RBFOX3: variants seen among roughly 807,000 people sequenced by gnomAD.
The protein encoded by RBFOX3 is RNA binding fox-1 homolog 3.
In RBFOX3, 17 loss-of-function variants were observed where a neutral mutation model predicts 48.7. The observed-to-expected ratio is 0.35, with a 90% confidence interval of 0.24 to 0.52. RBFOX3 has a LOEUF of 0.52. RBFOX3 is among the 20% of genes least tolerant of loss of function. RBFOX3 has a pLI of 0.94. For synonymous variants in RBFOX3, 212 were observed against 209.5 expected (o/e 1.01, Z -0.10); for missense variants, 382 against 497.5 (o/e 0.77, Z 2.21).
At chr17:79,457,534 C>A (rs1555745819) in intron 2 of RBFOX3, among the ~76,000 whole-genome samples, 2 of 152,210 alleles carry the variant, frequency 1.3e-5, no homozygotes, top group African/African-American at 4.8e-5. Flanking sequence ...TTCCTGAAGC[C>A]CAGGGCCAGC....
At chr17:79,502,967 C>T (rs1225384860) in intron 1 of RBFOX3, among the ~76,000 whole-genome samples, 1 of 152,212 alleles carries the variant, frequency 6.6e-6, no homozygotes, top group Non-Finnish European at 1.5e-5. Context: ...GACTGGGGAC[C>T]TTAAACAAGA....
chr17:79,538,266 T>C (rs1379025495), intron 1 of RBFOX3, among the ~76,000 whole-genome samples: 8 of 152,206 alleles, frequency 5.3e-5, no homozygotes, highest in Admixed American at 1.3e-4. Flanking sequence ...CATCTGTGTG[T>C]GCCTGGCACA....
intron 4 of RBFOX3, among the ~76,000 whole-genome samples, chr17:79,171,624 CT>C (rs1194804120): frequency 2.2e-5 from 3 of 136,210 alleles, no homozygotes; most frequent in Non-Finnish European, 3.1e-5. Flanking sequence ...CATTTAATTA[CT>C]TTTTTTTTAT....
At chr17:79,150,024 A>AGGGTGGGGGGTGGGGGTGGGGGTTGG (rs1360545741) in intron 4 of RBFOX3, among the ~76,000 whole-genome samples, 1 of 18,254 alleles carries the variant, frequency 5.5e-5, no homozygotes, top group Non-Finnish European at 9.7e-5. Context: ...ATGGGGGTTG[A>AGGGTGGGGGGTGGGGGTGGGGGTTGG]GGGTGGGGGG....
At chr17:79,365,320 C>T (rs367923633) in intron 2 of RBFOX3, among the ~76,000 whole-genome samples, 2 of 152,174 alleles carry the variant, frequency 1.3e-5, no homozygotes, top group East Asian at 1.9e-4. Context: ...AATAGCATCC[C>T]CTTTGATGTT....
At chr17:79,614,121 A>G (rs984828740), upstream of RBFOX3, among the ~76,000 whole-genome samples, 1 of 152,232 alleles carries the variant, frequency 6.6e-6, no homozygotes. Flanking sequence ...GCCCAGAGGC[A>G]GGGAAGGCTG....
chr17:79,527,378 A>G (rs2086941505), intron 1 of RBFOX3, among the ~76,000 whole-genome samples: 1 of 152,236 alleles, frequency 6.6e-6, no homozygotes. Flanking sequence ...CACTGCATAT[A>G]GAAGATCCAC....
intron 3 of RBFOX3, among the ~76,000 whole-genome samples, chr17:79,300,064 C>T (rs2075070216): frequency 6.6e-6 from 1 of 152,146 alleles, no homozygotes. Flanking sequence ...GCCAGCACAC[C>T]CCCTAACTTT....
chr17:79,520,470 A>T (rs1293870409), intron 1 of RBFOX3, among the ~76,000 whole-genome samples: 1 of 152,176 alleles, frequency 6.6e-6, no homozygotes, highest in African/African-American at 2.4e-5. Flanking sequence ...GTCAGGTGCC[A>T]GGAACACAGG....
At position 79,469,462 on chromosome 17, in the gene RBFOX3, C is replaced by T. The variant is rs1555755715; in HGVS notation, c.-175+12992G>A. ...CGTCAGGGCGCCTGGTCCTGCCTAACGCTCCAGCCTGGACAACTGCCCTGT... is the reference window on the plus strand; with the variant it reads ...CGTCAGGGCGCCTGGTCCTGCCTAATGCTCCAGCCTGGACAACTGCCCTGT... On this transcript the variant is annotated intron_variant, in intron 2 of 14. Coordinates refer to ENST00000693108, the MANE Select transcript of RBFOX3 (RefSeq NM_001350451.2). Among the ~76,000 whole-genome samples the T allele has an allele frequency of 1.1e-4, 17 of 152,318 alleles. 1 individual carries two copies. Among genetic ancestry groups the T allele is most frequent in the South Asian group, 2.1e-4 (1 of 4,824 alleles).
chr17:79,598,396 A>G (rs1381234744), intron 1 of RBFOX3: 2 of 150,976 alleles, frequency 1.3e-5, no homozygotes, highest in Non-Finnish European at 3.0e-5. Flanking sequence ...GCGCGCACAC[A>G]CACACACATG....
intron 3 of RBFOX3, among the ~76,000 whole-genome samples, chr17:79,240,771 C>T (rs1437839481): frequency 6.7e-6 from 1 of 150,014 alleles, no homozygotes; most frequent in Non-Finnish European, 1.5e-5. Context: ...TCACGCCATT[C>T]TCCTGCCTCA....
rs1005892329 is a variant in RBFOX3 at position 79,569,251 on chromosome 17, C to T, written c.-320+41575G>A. On this transcript the variant is annotated intron_variant, in intron 1 of 14. Coordinates refer to ENST00000693108, the MANE Select transcript of RBFOX3 (RefSeq NM_001350451.2). ...ATTAAACAATAGCTCCCCACTCCCC[C>T]CAAGCCCTGGCAACCACTCGTCTAC... Among the ~76,000 whole-genome samples the T allele has an allele frequency of 3.6e-3, 547 of 152,272 alleles. 5 individuals carry two copies. The highest frequency in any genetic ancestry group is 0.012 in the African/African-American group (509 of 41,530).
chr17:79,497,914 C>T (rs2149690743), intron 1 of RBFOX3, among the ~76,000 whole-genome samples: 1 of 152,352 alleles, frequency 6.6e-6, no homozygotes, highest in South Asian at 2.1e-4. Flanking sequence ...CTCCCTCTGA[C>T]AGCAACAAGG....
intron 1 of RBFOX3, among the ~76,000 whole-genome samples, chr17:79,554,906 CT>C (rs1209685218): frequency 6.6e-6 from 1 of 152,162 alleles, no homozygotes; most frequent in East Asian, 1.9e-4. Flanking sequence ...AAGCTAAAGA[CT>C]TCTCCAAACC....
At chr17:79,388,980 C>T (rs1181302289) in intron 2 of RBFOX3, among the ~76,000 whole-genome samples, 4 of 152,232 alleles carry the variant, frequency 2.6e-5, no homozygotes, top group Non-Finnish European at 4.4e-5. Flanking sequence ...CAGCTTCCTT[C>T]GCCTCCTGCA....
At chr17:79,610,311 G>A (rs1188939628) in intron 1 of RBFOX3, among the ~76,000 whole-genome samples, 1 of 151,914 alleles carries the variant, frequency 6.6e-6, no homozygotes, top group Non-Finnish European at 1.5e-5. Context: ...CACCACCGCC[G>A]GGTCGCCAGC....
chr17:79,146,031 C>T (rs1431049404), intron 4 of RBFOX3, among the ~76,000 whole-genome samples: 1 of 152,176 alleles, frequency 6.6e-6, no homozygotes, highest in Non-Finnish European at 1.5e-5. Context: ...ACGTGCAGTT[C>T]ACACGTGAAC....
intron 2 of RBFOX3, among the ~76,000 whole-genome samples, chr17:79,442,302 A>G (rs1598716783): frequency 7.8e-5 from 1 of 12,824 alleles, no homozygotes; most frequent in South Asian, 7.0e-3. Flanking sequence ...AGGGAGAGAG[A>G]GGGAGAGAGA....
Sources: gnomAD v4.1 joint callset for allele counts (sites outside exome capture counted in the v4.1 genomes callset) on GRCh38, gnomAD v4.1.1 for gene constraint, MANE v1.5 for transcripts, NCBI Gene and HGNC (gene_info 2026-07-23, HGNC 2026-07-21) for gene names.